EPHB1: variants seen among roughly 807,000 people sequenced by gnomAD.
The protein encoded by EPHB1 is ephrin type-B receptor 1.
Under a neutral mutation model 94.4 loss-of-function variants are expected in EPHB1, and 30 were observed. That is an observed-to-expected ratio of 0.32 (90% CI 0.24 to 0.43). The LOEUF (loss-of-function observed/expected upper bound fraction) is 0.43. EPHB1 is among the 20% of genes least tolerant of loss of function. The probability of loss-of-function intolerance (pLI) is 1.00; values close to 1 mark genes in which losing one functional copy is unlikely to be tolerated. For missense variants in EPHB1, 1,055 were observed against 1,308.3 expected (o/e 0.81, Z 2.99); for synonymous variants, 522 against 489.1 (o/e 1.07, Z -0.89).
intron 12 of EPHB1, among the ~76,000 whole-genome samples, chr3:135,210,286 A>G (rs1301277474): frequency 6.6e-6 from 1 of 152,180 alleles, no homozygotes; most frequent in Non-Finnish European, 1.5e-5. Context: ...AAATTCTGAG[A>G]GACACTTGTT....
At chr3:135,076,633 C>G (rs1424457738) in intron 3 of EPHB1, among the ~76,000 whole-genome samples, 1 of 152,164 alleles carries the variant, frequency 6.6e-6, no homozygotes, top group Non-Finnish European at 1.5e-5. Context: ...CATGAAGTGA[C>G]TTGCATGCAG....
At chr3:135,104,700 C>T (rs1559831713) in intron 3 of EPHB1, among the ~76,000 whole-genome samples, 2 of 152,190 alleles carry the variant, frequency 1.3e-5, no homozygotes, top group Admixed American at 6.5e-5. Context: ...CCACAGTACC[C>T]TTTTGTCATA....
intron 2 of EPHB1, among the ~76,000 whole-genome samples, chr3:134,944,473 CCTCAT>C (rs1303597361): frequency 6.6e-5 from 10 of 152,198 alleles, no homozygotes; most frequent in African/African-American, 2.4e-4. Context: ...GAAGCTTACT[CCTCAT>C]ATAAAGATGT....
chr3:134,904,000 G>A (rs964529180), intron 1 of EPHB1, among the ~76,000 whole-genome samples: 6 of 152,192 alleles, frequency 3.9e-5, no homozygotes, highest in African/African-American at 1.4e-4. Context: ...GCTGCCCAGG[G>A]AGCAGAGCAG....
chr3:135,045,073 G>A (rs1239159945), intron 3 of EPHB1, among the ~76,000 whole-genome samples: 1 of 152,106 alleles, frequency 6.6e-6, no homozygotes, highest in African/African-American at 2.4e-5. Flanking sequence ...TCCTGTCAGG[G>A]TGATCTACAA....
chr3:134,891,893 A>G (rs1172341595), intron 1 of EPHB1, among the ~76,000 whole-genome samples: 5 of 152,208 alleles, frequency 3.3e-5, no homozygotes, highest in Non-Finnish European at 5.9e-5. Context: ...ACACTATGCC[A>G]TGTTAGATAG....
intron 3 of EPHB1, among the ~76,000 whole-genome samples, chr3:135,032,899 T>G (rs1263585749): frequency 6.6e-6 from 1 of 152,218 alleles, no homozygotes; most frequent in African/African-American, 2.4e-5. Context: ...CAGTGTCTAC[T>G]CCTCTCTTCA....
At chr3:134,923,549 C>T (rs1430398081) in intron 1 of EPHB1, among the ~76,000 whole-genome samples, 1 of 152,156 alleles carries the variant, frequency 6.6e-6, no homozygotes. Flanking sequence ...CACTCCCTCA[C>T]CTCCCTAGGA....
At chr3:134,798,644 C>T (rs999691497) in intron 1 of EPHB1, among the ~76,000 whole-genome samples, 2 of 152,186 alleles carry the variant, frequency 1.3e-5, no homozygotes, top group African/African-American at 4.8e-5. Flanking sequence ...CAAAGCCAGG[C>T]CTCTTTGCTC....
intron 3 of EPHB1, among the ~76,000 whole-genome samples, chr3:134,981,947 C>A (rs1027518004): frequency 6.6e-6 from 1 of 152,244 alleles, no homozygotes; most frequent in Admixed American, 6.5e-5. Context: ...TTACAATAAG[C>A]CAGATAATTT....
intron 1 of EPHB1, among the ~76,000 whole-genome samples, chr3:134,902,039 G>A (rs968200548): frequency 1.3e-5 from 2 of 152,326 alleles, no homozygotes; most frequent in Middle Eastern, 3.4e-3. Flanking sequence ...TCCATGGGCA[G>A]CTATTGAAAG....
intron 2 of EPHB1, among the ~76,000 whole-genome samples, chr3:134,935,055 T>G (rs2038975257): frequency 6.6e-6 from 1 of 152,202 alleles, no homozygotes; most frequent in Non-Finnish European, 1.5e-5. Context: ...AACTGGCATG[T>G]GAGCCTGAGG....
chr3:134,835,686 G>T (rs1184784879), intron 1 of EPHB1, among the ~76,000 whole-genome samples: 2 of 152,214 alleles, frequency 1.3e-5, no homozygotes, highest in East Asian at 3.8e-4. Flanking sequence ...ATTGGAGTTG[G>T]CAGTGAGAGG....
chr3:135,133,104 C>G (rs2107687621), intron 5 of EPHB1, 55 bp downstream of exon 5: 1 of 1,503,714 alleles, frequency 6.7e-7, no homozygotes, highest in African/African-American at 1.4e-5. Flanking sequence ...CTCTTTGTCT[C>G]TAGGCAGGGA....
At chr3:135,053,027 G>A (rs7647023) in intron 3 of EPHB1, among the ~76,000 whole-genome samples, 98,976 of 110,258 alleles carry the variant, frequency 0.9, 44,399 homozygotes, top group East Asian at 0.92. Flanking sequence ...GTGTGTGTGT[G>A]TATATATATA....
At chr3:134,856,125 T>A (rs1040356492) in intron 1 of EPHB1, among the ~76,000 whole-genome samples, 1 of 152,156 alleles carries the variant, frequency 6.6e-6, no homozygotes, top group African/African-American at 2.4e-5. Context: ...AAAGCAAGTT[T>A]GTAACTGAGT....
At chr3:134,998,781 G>T (rs1292627968) in intron 3 of EPHB1, among the ~76,000 whole-genome samples, 1 of 152,148 alleles carries the variant, frequency 6.6e-6, no homozygotes, top group Non-Finnish European at 1.5e-5. Context: ...TACATCAACA[G>T]TGCCTAACAC....
chr3:135,233,979 T>C (rs1943592566), intron 12 of EPHB1, among the ~76,000 whole-genome samples: 1 of 152,122 alleles, frequency 6.6e-6, no homozygotes, highest in Non-Finnish European at 1.5e-5. Flanking sequence ...AAACCATTTT[T>C]CCCTCCTAGG....
rs921974555 is a variant in EPHB1, at chr3:135,094,865, C to A, written c.806-11583C>A. Among the ~76,000 whole-genome samples the A allele has an allele frequency of 2.6e-5, 4 of 152,334 alleles. No homozygotes were observed. In the South Asian group the frequency reaches 8.3e-4, roughly 32 times the overall value. On this transcript the variant is annotated intron_variant, in intron 3 of 15. Transcript: ENST00000398015. The stretch of plus-strand genomic sequence containing the variant: ...GGGGCAGGAATCTCTGGTCAGAGGT[C>A]TGTTCCCTGTACCATTCCAAAGTCC...
Sources: allele counts gnomAD v4.1 joint callset (sites outside exome capture counted in the v4.1 genomes callset), GRCh38; gene constraint gnomAD v4.1.1; transcripts MANE v1.5; gene names NCBI Gene and HGNC (gene_info 2026-07-23, HGNC 2026-07-21).